The following ROBO2 variants were observed in gnomAD, a reference collection of about 807,000 sequenced individuals.
ROBO2 encodes the protein roundabout homolog 2.
ROBO2 carries 53 observed loss-of-function variants against 160.8 expected under a neutral mutation model. That is an observed-to-expected ratio of 0.33 (90% CI 0.26 to 0.41). The LOEUF is 0.41. Among genes scored for constraint, ROBO2 ranks in the 10% least tolerant of loss-of-function variants. The probability of loss-of-function intolerance (pLI) is 1.00; values close to 1 mark genes in which losing one functional copy is unlikely to be tolerated. For synonymous variants in ROBO2, 664 were observed against 611.7 expected (o/e 1.09, Z -1.26); for missense variants, 1,577 against 1,722.4 (o/e 0.92, Z 1.49).
At chr3:77,148,161 G>T (rs1218875387) in intron 2 of ROBO2, among the ~76,000 whole-genome samples, 4 of 152,212 alleles carry the variant, frequency 2.6e-5, no homozygotes, top group Non-Finnish European at 5.9e-5. Flanking sequence ...AAAGGAGGTA[G>T]GTTTGAAATA....
intron 4 of ROBO2, among the ~76,000 whole-genome samples, chr3:77,492,678 T>TG (rs2153600052): frequency 6.6e-6 from 1 of 152,218 alleles, no homozygotes; most frequent in East Asian, 1.9e-4. Flanking sequence ...AAAAATCAGG[T>TG]AGACATCTTT....
intron 2 of ROBO2, among the ~76,000 whole-genome samples, chr3:77,101,350 T>C (rs2071897648): frequency 6.6e-6 from 1 of 152,162 alleles, no homozygotes; most frequent in Admixed American, 6.5e-5. Context: ...CTACCATCCA[T>C]AGAGGTGAGG....
chr3:77,271,772 T>C (rs1416588954), intron 2 of ROBO2, among the ~76,000 whole-genome samples: 3 of 152,216 alleles, frequency 2.0e-5, no homozygotes, highest in African/African-American at 7.2e-5. Context: ...TGTAGTAAAA[T>C]TTGATGCCCC....
intron 2 of ROBO2, among the ~76,000 whole-genome samples, chr3:76,787,363 CACAG>C (rs2063058800): frequency 6.7e-6 from 1 of 150,256 alleles, no homozygotes; most frequent in South Asian, 2.1e-4. Flanking sequence ...CACACACACA[CACAG>C]AGTTTGTTAG....
intron 6 of ROBO2, among the ~76,000 whole-genome samples, chr3:77,542,367 T>A (rs2092506534): frequency 6.6e-6 from 1 of 152,200 alleles, no homozygotes; most frequent in Admixed American, 6.5e-5. Context: ...CTTTGATAAA[T>A]GTTTCCATTT....
intron 2 of ROBO2, among the ~76,000 whole-genome samples, chr3:76,249,791 A>G (rs1705873185): frequency 6.6e-6 from 1 of 152,068 alleles, no homozygotes; most frequent in Non-Finnish European, 1.5e-5. Context: ...GCAAAGATGG[A>G]CTTTCCAATT....
Position 77,180,071 on chromosome 3 carries a change from T to C in ROBO2, c.388+81731T>C, listed in dbSNP as rs142906458. ...GCCAGCAATGCTTTAATTTGCCGCC[T>C]GGAAAAGAGCCACAGACATTCTTCC... On this transcript the variant is annotated intron_variant, in intron 2 of 25. Transcript: ENST00000461745. 6.6e-4 allele frequency among the ~76,000 whole-genome samples: 100 copies of C among 152,130 alleles called. 2 individuals carry two copies. In the East Asian group the frequency reaches 0.018, roughly 28 times the overall value.
At chr3:76,930,579 A>G (rs34907866) in intron 2 of ROBO2, among the ~76,000 whole-genome samples, 1 of 152,200 alleles carries the variant, frequency 6.6e-6, no homozygotes, top group East Asian at 1.9e-4. Flanking sequence ...AGAGATATAT[A>G]CAAGACATTT....
chr3:77,045,790 A>G (rs893798446), intron 1 of ROBO2, among the ~76,000 whole-genome samples: 2 of 152,234 alleles, frequency 1.3e-5, no homozygotes. Context: ...CACCAACCAC[A>G]AGAAATCACC....
intron 2 of ROBO2, among the ~76,000 whole-genome samples, chr3:77,460,134 C>T (rs1238293102): frequency 6.6e-6 from 1 of 151,732 alleles, no homozygotes; most frequent in African/African-American, 2.4e-5. Context: ...ATGACAGGGG[C>T]GGAAGTCAGG....
intron 8 of ROBO2, among the ~76,000 whole-genome samples, chr3:77,554,397 G>A (rs553723236): frequency 6.6e-6 from 1 of 151,976 alleles, no homozygotes; most frequent in Non-Finnish European, 1.5e-5. Flanking sequence ...ATGGATCAAG[G>A]AATAATTTCA....
rs1474324328 is a variant in ROBO2 at position 77,250,198 on chromosome 3, CA to C, written c.388+151859del. 5.3e-5 allele frequency among the ~76,000 whole-genome samples: 8 copies of C among 152,116 alleles called. No individual in the cohort carries two copies. In the East Asian group the frequency reaches 1.5e-3, roughly 29 times the overall value. On this transcript the variant is annotated intron_variant, in intron 2 of 25. Transcript: ENST00000461745. ...ATTCTGTCTCAGCTTTTGATTGATT[CA>C]GTTTTCATTCTTGGTCAAGTTATTT... is the stretch of plus-strand genomic sequence containing the variant.
rs2075827188 is a variant in ROBO2 at position 77,401,881 on chromosome 3, C to T, written c.389-75533C>T. Among the ~76,000 whole-genome samples the T allele has an allele frequency of 2.0e-5, 3 of 152,124 alleles. No homozygotes were observed. The South Asian group carries it at 6.2e-4, about 32-fold the overall frequency. On this transcript the variant is annotated intron_variant, in intron 2 of 25. Coordinates refer to ENST00000461745, the Ensembl canonical transcript of ROBO2. ...TGGTTGAACTAATTTACACTCCTAC[C>T]AAAAGTGTAAAAGCATTCCTGTTTC... is the stretch of plus-strand genomic sequence containing the variant.
chr3:76,922,561 G>A (rs2076734678), intron 2 of ROBO2, among the ~76,000 whole-genome samples: 1 of 152,172 alleles, frequency 6.6e-6, no homozygotes, highest in African/African-American at 2.4e-5. Context: ...TTTCAAATGG[G>A]AGCCGCCTTA....
At chr3:77,289,361 A>G (rs1231614851) in intron 2 of ROBO2, among the ~76,000 whole-genome samples, 1 of 151,808 alleles carries the variant, frequency 6.6e-6, no homozygotes, top group Admixed American at 6.6e-5. Flanking sequence ...TAAACGGGTA[A>G]GCTGAGACTA....
At chr3:76,588,698 G>A (rs952044830) in intron 2 of ROBO2, among the ~76,000 whole-genome samples, 2 of 152,274 alleles carry the variant, frequency 1.3e-5, no homozygotes, top group East Asian at 3.9e-4. Flanking sequence ...CACAAAGTGA[G>A]ATATATAACT....
intron 2 of ROBO2, among the ~76,000 whole-genome samples, chr3:77,015,507 T>C (rs2062183680): frequency 6.6e-6 from 1 of 152,232 alleles, no homozygotes; most frequent in Admixed American, 6.5e-5. Flanking sequence ...TCCACGATTA[T>C]AGCAGCTCTA....
At chr3:76,218,944 G>T (rs1044932836) in intron 2 of ROBO2, among the ~76,000 whole-genome samples, 1 of 152,174 alleles carries the variant, frequency 6.6e-6, no homozygotes, top group African/African-American at 2.4e-5. Context: ...AAAGCAGCAT[G>T]ATACTGGTAC....
At chr3:75,946,016 G>A (rs62269833) in intron 2 of ROBO2, among the ~76,000 whole-genome samples, 2 of 152,004 alleles carry the variant, frequency 1.3e-5, no homozygotes, top group Non-Finnish European at 2.9e-5. Context: ...AGGACTTACC[G>A]GAAATGTTTT....
Sources: allele counts gnomAD v4.1 joint callset (sites outside exome capture counted in the v4.1 genomes callset), GRCh38; gene constraint gnomAD v4.1.1; transcripts MANE v1.5; gene names NCBI Gene and HGNC (gene_info 2026-07-23, HGNC 2026-07-21).